SGCD: variants seen among roughly 807,000 people sequenced by gnomAD.
SGCD encodes the protein delta-sarcoglycan.
SGCD carries 18 observed loss-of-function variants against 36.6 expected under a neutral mutation model. The observed-to-expected ratio is 0.49, with a 90% confidence interval of 0.34 to 0.73. SGCD has a LOEUF of 0.73. SGCD is among the 30% of genes least tolerant of loss of function. SGCD has a pLI of 0.01. For synonymous variants in SGCD, 133 were observed against 130.6 expected (o/e 1.02, Z -0.12); for missense variants, 387 against 346.7 (o/e 1.12, Z -0.92).
At chr5:155,782,491 G>A in the SGCD span, among the ~76,000 whole-genome samples, 1 of 152,104 alleles carries the variant, frequency 6.6e-6, no homozygotes, top group Non-Finnish European at 1.5e-5. Context: ...AAGAAATACA[G>A]ACTAGTTCAT....
chr5:155,913,026 G>T (rs1192523126), intron 1 of SGCD, among the ~76,000 whole-genome samples: 1 of 152,098 alleles, frequency 6.6e-6, no homozygotes, highest in Non-Finnish European at 1.5e-5. Flanking sequence ...TTTGCATTGT[G>T]ATGTATTTCT....
At chr5:155,934,561 C>T (rs1307833877) in intron 1 of SGCD, among the ~76,000 whole-genome samples, 3 of 152,106 alleles carry the variant, frequency 2.0e-5, no homozygotes, top group African/African-American at 4.8e-5. Context: ...TCTTTTATTT[C>T]AGTAGTTTGT....
chr5:156,270,169 G>C (rs1457725472), intron 3 of SGCD, among the ~76,000 whole-genome samples: 1 of 152,168 alleles, frequency 6.6e-6, no homozygotes, highest in African/African-American at 2.4e-5. Flanking sequence ...TTGAAGATCA[G>C]ATGGTCATAG....
At chr5:156,104,066 A>C (rs528880778) in intron 1 of SGCD, among the ~76,000 whole-genome samples, 1 of 152,268 alleles carries the variant, frequency 6.6e-6, no homozygotes, top group South Asian at 2.1e-4. Context: ...TTATTTTAGA[A>C]TATTTTACTT....
intron 6 of SGCD, among the ~76,000 whole-genome samples, chr5:156,607,764 T>C (rs1162079923): frequency 2.0e-5 from 3 of 152,204 alleles, no homozygotes; most frequent in Non-Finnish European, 2.9e-5. Flanking sequence ...TCTTCCTGGT[T>C]TAGTCTTGGG....
intron 2 of SGCD, among the ~76,000 whole-genome samples, chr5:156,122,519 A>G (rs552535090): frequency 2.3e-4 from 35 of 152,228 alleles, no homozygotes; most frequent in African/African-American, 8.4e-4. Context: ...TCCCAGGTAG[A>G]GGGAATGATG....
At chr5:156,583,552 A>G (rs1760370792) in intron 4 of SGCD, among the ~76,000 whole-genome samples, 1 of 152,218 alleles carries the variant, frequency 6.6e-6, no homozygotes, top group Non-Finnish European at 1.5e-5. Context: ...TTTCTAGCAG[A>G]TGCCACAAGG....
chr5:156,212,606 C>T (rs765707823), intron 3 of SGCD, among the ~76,000 whole-genome samples: 16 of 152,024 alleles, frequency 1.1e-4, no homozygotes, highest in Admixed American at 2.0e-4. Flanking sequence ...AAAAAGTCAA[C>T]AAGGAAACAT....
At chr5:156,471,118 C>CA in intron 3 of SGCD, among the ~76,000 whole-genome samples, 1 of 152,202 alleles carries the variant, frequency 6.6e-6, no homozygotes. Flanking sequence ...GCAGGATTTA[C>CA]ATGGAATGGA....
chr5:156,492,796 T>G (rs1581071636), intron 3 of SGCD, among the ~76,000 whole-genome samples: 3 of 152,022 alleles, frequency 2.0e-5, no homozygotes, highest in Admixed American at 1.3e-4. Context: ...TCCCACTTAT[T>G]AGTGAGAACA....
At chr5:156,423,610 A>T (rs973525940) in intron 3 of SGCD, among the ~76,000 whole-genome samples, 2 of 151,230 alleles carry the variant, frequency 1.3e-5, no homozygotes, top group Non-Finnish European at 2.9e-5. Flanking sequence ...ACTGCCTGAC[A>T]CTTAACATAT....
chr5:156,107,601 G>A (rs192367890), intron 1 of SGCD, among the ~76,000 whole-genome samples: 1 of 152,150 alleles, frequency 6.6e-6, no homozygotes, highest in Non-Finnish European at 1.5e-5. Flanking sequence ...ATTTTTCAAA[G>A]TTAAATCAAA....
At chr5:156,695,618 T>G (rs1484882183) in intron 7 of SGCD, among the ~76,000 whole-genome samples, 1 of 152,172 alleles carries the variant, frequency 6.6e-6, no homozygotes, top group Non-Finnish European at 1.5e-5. Context: ...TTAAAGCGTA[T>G]GCATGTGGTG....
intron 3 of SGCD, among the ~76,000 whole-genome samples, chr5:156,426,016 A>G (rs1773657953): frequency 6.6e-6 from 1 of 152,098 alleles, no homozygotes; most frequent in Non-Finnish European, 1.5e-5. Flanking sequence ...CGCTGCTAGA[A>G]ACATGCATGT....
intron 3 of SGCD, among the ~76,000 whole-genome samples, chr5:156,424,224 CATAA>C (rs1444140487): frequency 6.6e-6 from 1 of 151,938 alleles, no homozygotes; most frequent in Non-Finnish European, 1.5e-5. Context: ...ATCTAATTTT[CATAA>C]ATAAAATGGT....
intron 6 of SGCD, among the ~76,000 whole-genome samples, chr5:156,596,444 C>A (rs556038495): frequency 6.6e-6 from 1 of 152,264 alleles, no homozygotes; most frequent in East Asian, 1.9e-4. Flanking sequence ...TGAATGAAAT[C>A]ATCTATGTAA....
intron 3 of SGCD, among the ~76,000 whole-genome samples, chr5:156,375,998 G>T (rs1021903): frequency 0.62 from 93,725 of 152,040 alleles, 29,871 homozygotes; most frequent in East Asian, 0.92. Flanking sequence ...TTGATTTATC[G>T]TATATGTACA....
intron 3 of SGCD, among the ~76,000 whole-genome samples, chr5:156,472,171 G>A (rs549493190): frequency 2.0e-4 from 30 of 152,266 alleles, no homozygotes; most frequent in African/African-American, 6.5e-4. Context: ...GTAAAAAAGC[G>A]TAACTACGTT....
rs73302604 is a variant in SGCD at position 156,229,717 on chromosome 5, G to T, written c.-43-99817G>T. ...TTGTATTTGGATGTCTAGGGCTCTA[G>T]TAAGGGAAGTTTTCCTTGATTGTTC... On this transcript the variant is annotated intron_variant, in intron 3 of 9. Coordinates refer to the SGCD transcript ENST00000517913. Among the ~76,000 whole-genome samples, 680 of 152,218 alleles carry T rather than the reference G, an allele frequency of 4.5e-3. 5 individuals are homozygous for T. The highest frequency in any genetic ancestry group is 0.016 in the African/African-American group (655 of 41,542).
Sources: allele counts gnomAD v4.1 joint callset (sites outside exome capture counted in the v4.1 genomes callset), GRCh38; gene constraint gnomAD v4.1.1; transcripts MANE v1.5; gene names NCBI Gene and HGNC (gene_info 2026-07-23, HGNC 2026-07-21).